The following DAB1 variants were observed in gnomAD, a reference collection of about 807,000 sequenced individuals.
DAB1 encodes the protein DAB adaptor protein 1, also known as disabled homolog 1.
A neutral mutation model predicts 64.6 loss-of-function variants in DAB1; 15 were observed. The ratio of observed to expected loss-of-function variants is 0.23; its 90% CI spans 0.16 to 0.36. DAB1 has a LOEUF of 0.36. Among genes scored for constraint, DAB1 ranks in the 10% least tolerant of loss-of-function variants. The probability of loss-of-function intolerance (pLI) is 1.00; values close to 1 mark genes in which losing one functional copy is unlikely to be tolerated. For missense variants in DAB1, 596 were observed against 706.7 expected (o/e 0.84, Z 1.78); for synonymous variants, 235 against 251.9 (o/e 0.93, Z 0.64).
chr1:58,229,402 C>T (rs1375460865), intron 4 of DAB1, among the ~76,000 whole-genome samples: 3 of 152,200 alleles, frequency 2.0e-5, no homozygotes, highest in Non-Finnish European at 4.4e-5. Flanking sequence ...GATGCATTCA[C>T]TCCATTAGCA....
At chr1:57,381,387 C>T (rs1681361412) in intron 1 of DAB1, among the ~76,000 whole-genome samples, 1 of 152,052 alleles carries the variant, frequency 6.6e-6, no homozygotes, top group African/African-American at 2.4e-5. Context: ...ACATTGGAGT[C>T]CACAGTATAA....
intron 5 of DAB1, among the ~76,000 whole-genome samples, chr1:57,907,113 C>T (rs1314093942): frequency 6.6e-6 from 1 of 152,134 alleles, no homozygotes; most frequent in Non-Finnish European, 1.5e-5. Context: ...TAAGCAAAAA[C>T]ACAACTGCTC....
At chr1:57,942,386 C>A (rs922405220) in intron 5 of DAB1, among the ~76,000 whole-genome samples, 1 of 152,184 alleles carries the variant, frequency 6.6e-6, no homozygotes, top group Admixed American at 6.5e-5. Flanking sequence ...ATATTTGAAA[C>A]CACAATTAAC....
chr1:58,360,497 C>T (rs915643038), intron 3 of DAB1, among the ~76,000 whole-genome samples: 5 of 152,072 alleles, frequency 3.3e-5, no homozygotes, highest in African/African-American at 9.7e-5. Context: ...CCGTTCTTGC[C>T]GCCTTTTCAT....
rs578171686 is a variant in DAB1 at position 58,379,146 on chromosome 1, C to G, written n.258-35743G>C. 6.4e-3 allele frequency among the ~76,000 whole-genome samples: 980 copies of G among 152,106 alleles called. 4 individuals are homozygous for G. The highest frequency in any genetic ancestry group is 0.012 in the Non-Finnish European group (785 of 67,986). On this transcript the variant is annotated intron_variant and non_coding_transcript_variant, in intron 3 of 20. Coordinates refer to the DAB1 transcript ENST00000485760. ...TGCAGAAATCACCCGTCTTCTGCGT[C>G]GCTCACGCTGGGAGCTGTAGACCGG...
intron 4 of DAB1, among the ~76,000 whole-genome samples, chr1:58,247,799 C>A (rs563884081): frequency 1.7e-4 from 26 of 148,760 alleles, no homozygotes; most frequent in Admixed American, 5.4e-4. Flanking sequence ...CACCCCACCC[C>A]CACCTCCCAC....
intron 1 of DAB1, chr1:58,536,871 C>A: frequency 5.1e-6 from 3 of 587,548 alleles, no homozygotes; most frequent in South Asian, 4.6e-5. Context: ...CTGAATACAT[C>A]GCTTTTCCAA....
intron 3 of DAB1, among the ~76,000 whole-genome samples, chr1:58,364,561 C>T (rs551288222): frequency 6.6e-6 from 1 of 152,312 alleles, no homozygotes; most frequent in African/African-American, 2.4e-5. Flanking sequence ...AGCCTCCACA[C>T]CTACCCTTTT....
intron 7 of DAB1, among the ~76,000 whole-genome samples, chr1:57,644,281 C>T (rs1646166045): frequency 6.6e-6 from 1 of 152,110 alleles, no homozygotes; most frequent in South Asian, 2.1e-4. Flanking sequence ...TGGTGAGAGG[C>T]TTTAGGGCTG....
At chr1:57,041,498 A>G (rs532152040) in intron 9 of DAB1, among the ~76,000 whole-genome samples, 16 of 152,334 alleles carry the variant, frequency 1.1e-4, no homozygotes, top group African/African-American at 3.6e-4. Flanking sequence ...CGGGACTGCA[A>G]CCAACTTCAT....
intron 5 of DAB1, among the ~76,000 whole-genome samples, chr1:58,018,052 G>A (rs776485663): frequency 1.4e-4 from 21 of 152,112 alleles, no homozygotes; most frequent in Non-Finnish European, 2.5e-4. Context: ...GAATTCAAAA[G>A]TAAGACTTTC....
chr1:57,737,868 A>C (rs1430185690), intron 6 of DAB1, among the ~76,000 whole-genome samples: 1 of 152,188 alleles, frequency 6.6e-6, no homozygotes, highest in Non-Finnish European at 1.5e-5. Context: ...CGTTTCTGTC[A>C]ATTACAAACA....
chr1:57,027,740 T>C (rs954066554), intron 9 of DAB1, among the ~76,000 whole-genome samples: 12 of 152,210 alleles, frequency 7.9e-5, no homozygotes, highest in Non-Finnish European at 1.0e-4. Flanking sequence ...CTCTTTTTGC[T>C]GAAAGGAGAC....
chr1:57,497,418 C>T (rs539175001), intron 7 of DAB1, among the ~76,000 whole-genome samples: 220 of 152,250 alleles, frequency 1.4e-3, no homozygotes, highest in Non-Finnish European at 2.9e-3. Context: ...CTACTGTGTT[C>T]CTAGCACTGG....
intron 1 of DAB1, among the ~76,000 whole-genome samples, chr1:57,835,539 A>C (rs1652772515): frequency 6.6e-6 from 1 of 152,106 alleles, no homozygotes; most frequent in South Asian, 2.1e-4. Flanking sequence ...AGTCCAGGTG[A>C]CTCGGCCAAG....
chr1:57,263,330 G>A (rs1229074225), intron 2 of DAB1, among the ~76,000 whole-genome samples: 2 of 152,090 alleles, frequency 1.3e-5, no homozygotes, highest in East Asian at 3.9e-4. Flanking sequence ...ATGCTGACCA[G>A]GCTGGTTTCG....
At chr1:58,317,491 A>G (rs2100480819) in intron 4 of DAB1, among the ~76,000 whole-genome samples, 1 of 152,358 alleles carries the variant, frequency 6.6e-6, no homozygotes, top group South Asian at 2.1e-4. Flanking sequence ...AGACAGAGAG[A>G]TTCAACTGGC....
At chr1:58,168,010 G>A (rs568459692) in intron 4 of DAB1, among the ~76,000 whole-genome samples, 2 of 152,330 alleles carry the variant, frequency 1.3e-5, no homozygotes, top group East Asian at 3.9e-4. Flanking sequence ...TGGCAACCCA[G>A]ATGGGACTAT....
chr1:57,529,684 A>G (rs1347568769), intron 7 of DAB1, among the ~76,000 whole-genome samples: 1 of 152,126 alleles, frequency 6.6e-6, no homozygotes, highest in Admixed American at 6.5e-5. Flanking sequence ...AGCTATAACA[A>G]TCTGAAACAT....
Sources: allele counts gnomAD v4.1 joint callset (sites outside exome capture counted in the v4.1 genomes callset), GRCh38; gene constraint gnomAD v4.1.1; transcripts MANE v1.5; gene names NCBI Gene and HGNC (gene_info 2026-07-23, HGNC 2026-07-21).